Variants in MAP3K14 observed in about 807,000 individuals in gnomAD.
MAP3K14 encodes mitogen-activated protein kinase kinase kinase 14.
MAP3K14 carries 16 observed loss-of-function variants against 99.2 expected under a neutral mutation model. The observed-to-expected ratio is 0.16, with a 90% CI of 0.11 to 0.24. The LOEUF is 0.24. Ranked by LOEUF, MAP3K14 falls within the 10% of genes least tolerant of loss-of-function variation. The pLI, the probability that MAP3K14 is intolerant of heterozygous loss-of-function variation, is 1.00. For missense variants in MAP3K14, 784 were observed against 1,208.7 expected, an observed-to-expected ratio of 0.65 and a Z score of 5.21; for synonymous variants, 462 against 492.4, an observed-to-expected ratio of 0.94 and a Z score of 0.82.
At chr17:45,271,931 G>A (rs1243187518) in intron 9 of MAP3K14, among the ~76,000 whole-genome samples, 1 of 152,162 alleles carries the variant, frequency 6.6e-6, no homozygotes. Flanking sequence ...ACTTATATGC[G>A]TAAAAGACTG....
Position 45,289,221 on chromosome 17 carries a change from G to C in MAP3K14, c.326+15C>G. 6.2e-7 allele frequency: 1 copy of C among 1,613,084 alleles called. No individual in the cohort carries two copies. The highest frequency in any genetic ancestry group is 8.5e-7 in the Non-Finnish European group (1 of 1,179,146). On this transcript the variant is annotated intron_variant, in intron 3 of 15. Transcript: ENST00000344686. Reference sequence around the variant, plus strand: ...AGTCCCCACCTTCCCACTCAGGCTTGTCTCCCCTGCTTACCTGTACTGTTT... The same window carrying C: ...AGTCCCCACCTTCCCACTCAGGCTTCTCTCCCCTGCTTACCTGTACTGTTT...
At position 45,286,975 on chromosome 17, in the gene MAP3K14, G is replaced by T. The variant is rs777461370; in HGVS notation, c.608C>A (p.Pro203Gln). ...TPQFTKPLKE[P>Q]GLGQLCFKQL... Reference sequence around the variant, plus strand: ...CTTAAAACAGAGTTGCCCAAGGCCTGGTTCCTTCAGAGGCTTGGTGAACTG... The same window carrying T: ...CTTAAAACAGAGTTGCCCAAGGCCTTGTTCCTTCAGAGGCTTGGTGAACTG... The change falls in exon 5 of 16, where the codon CCA (proline) becomes CAA (glutamine). Residue 203 changes from proline to glutamine, a missense_variant. Pro to Gln is a moderately conservative substitution (Grantham distance 76, BLOSUM62 -1). Transcript: ENST00000344686. This position sits in a 1 kb window ranked among gnomAD's most constrained non-coding sequence, Gnocchi z 4.1. The T allele has an allele frequency of 1.2e-6, 2 of 1,613,914 alleles. No individual in the cohort carries two copies. Among genetic ancestry groups the T allele is most frequent in the Non-Finnish European group, 1.7e-6 (2 of 1,179,908 alleles).
Position 45,267,480 on chromosome 17 carries a change from G to A in MAP3K14, c.2252C>T (p.Ala751Val). ...EPLPLSSLEP[A>V]PARNPSSPER... is the part of the protein sequence containing the mutation. ...TGGTGAGCTGGGGTTTCTGGCAGGG[G>A]CTGGCTCCAGGGAGGACAGAGGTAA... Residue 751 changes from alanine to valine, a missense_variant, in exon 12 of 16, where the codon GCC (alanine) becomes GTC (valine). By Grantham distance (64) the Ala-to-Val change is moderately conservative (BLOSUM62 0). Coordinates refer to ENST00000344686, the MANE Select transcript of MAP3K14 (RefSeq NM_003954.5). The surrounding 1 kb of genome is among the most constrained non-coding windows in gnomAD (Gnocchi z 5.1). 6.2e-7 allele frequency: 1 copy of A among 1,611,832 alleles called. No homozygotes were observed.
chr17:45,276,056 C>T (rs9908462), intron 6 of MAP3K14, among the ~76,000 whole-genome samples: 40,181 of 151,984 alleles, frequency 0.26, 5,874 homozygotes, highest in African/African-American at 0.38. Flanking sequence ...CCACCATGCC[C>T]GGCCTCAACA....
intron 11 of MAP3K14, chr17:45,268,476 C>T (rs1476058305): frequency 6.6e-6 from 1 of 152,234 alleles, no homozygotes; most frequent in East Asian, 1.9e-4. Context: ...TGGACTCCAA[C>T]TCCTGGGCTC....
At position 45,274,509 on chromosome 17, in the gene MAP3K14, C is replaced by G; in HGVS notation, c.1375G>C (p.Val459Leu). The G allele has an allele frequency of 6.2e-7, 1 of 1,614,034 alleles. No individual in the cohort carries two copies. Among genetic ancestry groups the G allele is most frequent in the Non-Finnish European group, 8.5e-7 (1 of 1,179,904 alleles). The change falls in exon 7 of 16, where the codon GTG becomes CTG. Residue 459 changes from valine (V) to leucine (L), a missense_variant. Around this residue, in one of 5 missense-constraint regions of MAP3K14, gnomAD observed 200 missense variants for 367.9 expected, o/e 0.54. Transcript: ENST00000344686. ...SPRIVPLYGAVREGPWVNIFM... is the reference protein window; with the variant it reads ...SPRIVPLYGALREGPWVNIFM... ...ATGTTGACCCAAGGCCCTTCTCTCA[C>G]AGCTCCATACAAAGGGACAATTCTG...
intron 6 of MAP3K14, among the ~76,000 whole-genome samples, chr17:45,276,555 A>T (rs2044181579): frequency 6.6e-6 from 1 of 151,760 alleles, no homozygotes; most frequent in East Asian, 1.9e-4. Context: ...TGTGTCGCCC[A>T]GGCTGGAGTG....
chr17:45,276,793 G>A (rs1036157147), intron 6 of MAP3K14, among the ~76,000 whole-genome samples: 41 of 147,538 alleles, frequency 2.8e-4, no homozygotes, highest in Non-Finnish European at 4.6e-4. Flanking sequence ...GATTACAGGC[G>A]TGAGCCACTG....
chr17:45,280,503 C>T (rs1406827994), intron 6 of MAP3K14, among the ~76,000 whole-genome samples: 1 of 152,030 alleles, frequency 6.6e-6, no homozygotes, highest in Non-Finnish European at 1.5e-5. Flanking sequence ...CAGGGTTTCT[C>T]CATGTTGGTC....
chr17:45,292,759 C>CTTAAGATCA (rs970560264), intron 1 of MAP3K14, among the ~76,000 whole-genome samples: 4 of 152,202 alleles, frequency 2.6e-5, no homozygotes, highest in South Asian at 2.1e-4. Flanking sequence ...GAAATGAGAT[C>CTTAAGATCA]TTAAGAACAG....
At chr17:45,285,965 A>AT (rs2044261370) in intron 5 of MAP3K14, among the ~76,000 whole-genome samples, 1 of 139,930 alleles carries the variant, frequency 7.1e-6, no homozygotes, top group East Asian at 2.0e-4. Flanking sequence ...AAACACATTT[A>AT]TTAAAAAAAA....
intron 8 of MAP3K14, 193 bp downstream of exon 8, chr17:45,273,930 C>T: frequency 1.4e-6 from 1 of 730,492 alleles, no homozygotes; most frequent in Non-Finnish European, 2.2e-6. Flanking sequence ...TGGCCACCGT[C>T]TACCAGAAAC....
intron 6 of MAP3K14, chr17:45,282,151 G>T (rs2044228354): frequency 1.3e-5 from 2 of 151,452 alleles, no homozygotes; most frequent in African/African-American, 4.9e-5. Flanking sequence ...TGCCCAGGCT[G>T]GTCTCCACCT....
chr17:45,309,373 C>T (rs975446730), intron 1 of MAP3K14, among the ~76,000 whole-genome samples: 5 of 152,248 alleles, frequency 3.3e-5, no homozygotes, highest in Non-Finnish European at 5.9e-5. Context: ...TCCTCGCTCC[C>T]TCCAGCTCCT....
intron 1 of MAP3K14, among the ~76,000 whole-genome samples, chr17:45,316,665 T>A (rs377466516): frequency 6.6e-6 from 1 of 151,824 alleles, no homozygotes; most frequent in Non-Finnish European, 1.5e-5. Flanking sequence ...GGGGCACTAG[T>A]GAAGGGGAAG....
Position 45,290,640 on chromosome 17 carries a change from G to C in MAP3K14, c.106C>G (p.Gln36Glu), listed in dbSNP as rs751516263. 2.5e-6 allele frequency: 4 copies of C among 1,613,514 alleles called. No homozygotes were observed. The East Asian group carries it at 8.9e-5, about 36-fold the overall frequency. ...GCCTCAAGCTTGTAGACGGAGCTCT[G>C]TTTCTTCCCCAGTGGCGGCGTCTTC... Reference protein sequence around the residue: ...KEKTPPLGKKQSSVYKLEAVE... With the variant: ...KEKTPPLGKKESSVYKLEAVE... Residue 36 changes from glutamine to glutamate, a missense_variant, in exon 2 of 16, where the codon CAG becomes GAG. Gln to Glu is a conservative substitution (Grantham distance 29). This residue lies in a region of MAP3K14 where 188 missense variants were observed against 313.0 expected (regional missense o/e 0.60). Coordinates refer to ENST00000344686, the MANE Select transcript of MAP3K14 (RefSeq NM_003954.5).
intron 3 of MAP3K14, among the ~76,000 whole-genome samples, chr17:45,288,800 C>T (rs1020050814): frequency 5.9e-5 from 9 of 152,082 alleles, no homozygotes; most frequent in African/African-American, 1.9e-4. Context: ...TTCTACCGCC[C>T]GCATCCCTAC....
intron 1 of MAP3K14, among the ~76,000 whole-genome samples, chr17:45,316,109 G>A (rs950634751): frequency 6.6e-6 from 1 of 152,214 alleles, no homozygotes; most frequent in African/African-American, 2.4e-5. Context: ...CTTTGCTGAT[G>A]TATGTACCTT....
At chr17:45,291,442 T>C (rs753005474) in intron 1 of MAP3K14, among the ~76,000 whole-genome samples, 7 of 152,180 alleles carry the variant, frequency 4.6e-5, no homozygotes, top group African/African-American at 9.7e-5. Flanking sequence ...TCCAAACTCA[T>C]TGGCTGAAAA....
Sources: allele counts gnomAD v4.1 joint callset (sites outside exome capture counted in the v4.1 genomes callset), GRCh38; gene constraint gnomAD v4.1.1; regional missense constraint gnomAD v4.1.1; non-coding constraint Gnocchi (gnomAD v3.1); transcripts MANE v1.5; gene names NCBI Gene and HGNC (gene_info 2026-07-23, HGNC 2026-07-21).